Variants in ANO3 observed in about 807,000 individuals in gnomAD.
ANO3 encodes the protein anoctamin 3.
ANO3 carries 99 observed loss-of-function variants against 144.8 expected under a neutral mutation model. The ratio of observed to expected loss-of-function variants is 0.68; its 90% CI spans 0.58 to 0.81. The LOEUF (loss-of-function observed/expected upper bound fraction) is 0.81, where lower values mean the gene tolerates loss of function less well. ANO3 is among the 30% of genes least tolerant of loss of function. The probability of loss-of-function intolerance (pLI) is 0.00; values close to 1 mark genes in which losing one functional copy is unlikely to be tolerated. For missense variants in ANO3, 905 were observed against 1,202.2 expected, an observed-to-expected ratio of 0.75 and a Z score of 3.66; for synonymous variants, 414 against 392.6, an observed-to-expected ratio of 1.05 and a Z score of -0.64.
intron 1 of ANO3, among the ~76,000 whole-genome samples, chr11:26,198,016 G>C (rs1246567279): frequency 6.6e-6 from 1 of 152,036 alleles, no homozygotes; most frequent in African/African-American, 2.4e-5. Flanking sequence ...CTCAGGTTTT[G>C]GGAGCCATCA....
intron 1 of ANO3, among the ~76,000 whole-genome samples, chr11:26,261,292 A>C (rs891783828): frequency 6.6e-6 from 1 of 152,166 alleles, no homozygotes; most frequent in African/African-American, 2.4e-5. Context: ...TATTTAGAGA[A>C]CAGCCTTGCT....
chr11:26,486,231 T>A (rs897204137), intron 4 of ANO3, among the ~76,000 whole-genome samples: 1 of 151,716 alleles, frequency 6.6e-6, no homozygotes, highest in African/African-American at 2.4e-5. Context: ...TGTGATGGCG[T>A]GCACCTGTAG....
At chr11:26,474,713 G>T (rs957503376) in intron 4 of ANO3, among the ~76,000 whole-genome samples, 7 of 151,760 alleles carry the variant, frequency 4.6e-5, no homozygotes, top group African/African-American at 1.5e-4. Context: ...TCTTGTTTTG[G>T]TTTAAAAATG....
chr11:26,356,966 A>G (rs960879215), intron 1 of ANO3, among the ~76,000 whole-genome samples: 1 of 152,220 alleles, frequency 6.6e-6, no homozygotes, highest in East Asian at 1.9e-4. Flanking sequence ...GCCTACTCAT[A>G]TATCTAGGAC....
At chr11:26,373,820 A>G (rs930799406) in intron 1 of ANO3, among the ~76,000 whole-genome samples, 4 of 152,334 alleles carry the variant, frequency 2.6e-5, no homozygotes, top group African/African-American at 9.6e-5. Flanking sequence ...TCTTTTGCAG[A>G]TAAGAACATG....
At chr11:26,560,187 T>A (rs1460061498) in intron 14 of ANO3, 1 of 163,416 alleles carries the variant, frequency 6.1e-6, no homozygotes, top group African/African-American at 2.4e-5. Flanking sequence ...GGATGCAGAA[T>A]CTATTCCATT....
At chr11:26,266,813 G>T (rs1853319409) in intron 1 of ANO3, among the ~76,000 whole-genome samples, 1 of 151,666 alleles carries the variant, frequency 6.6e-6, no homozygotes, top group Admixed American at 6.6e-5. Flanking sequence ...CGGGTGTGGT[G>T]GCTCACATCT....
chr11:26,303,942 T>A (rs1854298679), intron 1 of ANO3, among the ~76,000 whole-genome samples: 1 of 152,024 alleles, frequency 6.6e-6, no homozygotes, highest in Non-Finnish European at 1.5e-5. Flanking sequence ...CTCGATCTCT[T>A]GACCTCGTGA....
chr11:26,326,736 A>C (rs187693563), intron 1 of ANO3, among the ~76,000 whole-genome samples: 3 of 152,314 alleles, frequency 2.0e-5, no homozygotes. Flanking sequence ...AACCAAAAAT[A>C]CACAGGCCTA....
At chr11:26,453,184 T>A (rs1392337063) in intron 3 of ANO3, among the ~76,000 whole-genome samples, 3 of 152,072 alleles carry the variant, frequency 2.0e-5, no homozygotes, top group African/African-American at 7.2e-5. Context: ...ATGAGCAAAA[T>A]AACCAGCTAA....
intron 14 of ANO3, among the ~76,000 whole-genome samples, chr11:26,589,156 C>T (rs1250651336): frequency 4.6e-5 from 7 of 152,220 alleles, no homozygotes; most frequent in Non-Finnish European, 1.0e-4. Context: ...GGTCCTGGCT[C>T]TGCCATTTAT....
At chr11:26,607,016 CT>C (rs1044977765) in intron 17 of ANO3, among the ~76,000 whole-genome samples, 6 of 151,986 alleles carry the variant, frequency 3.9e-5, no homozygotes, top group Non-Finnish European at 8.8e-5. Flanking sequence ...TTTATTTCTC[CT>C]TTGCTTATGA....
upstream of ANO3, among the ~76,000 whole-genome samples, chr11:26,305,844 T>C (rs1032688980): frequency 1.3e-5 from 2 of 152,192 alleles, no homozygotes; most frequent in Non-Finnish European, 2.9e-5. Context: ...AAATATATTT[T>C]GTTTCAAATA....
In ANO3 at chr11:26,647,743, A is replaced by T; in HGVS notation, c.2463A>T (p.Ile821=). ...TTGGAATTCTCGAAGGAATCGGTAT[A>T]TTGGCTGTGATCACCAATGCATTTG... ...IWLGILEGIG[I]LAVITNAFVI... The change falls in exon 24 of 27, where the codon ATA becomes ATT. Residue 821 remains isoleucine (I), a synonymous_variant. Transcript: ENST00000256737. 2 of 1,612,466 alleles carry T rather than the reference A, an allele frequency of 1.2e-6. No homozygotes were observed. Among genetic ancestry groups the T allele is most frequent in the Non-Finnish European group, 1.7e-6 (2 of 1,179,022 alleles).
intron 13 of ANO3, among the ~76,000 whole-genome samples, chr11:26,555,041 T>A (rs145736763): frequency 1.3e-4 from 20 of 152,302 alleles, no homozygotes; most frequent in African/African-American, 4.6e-4. Flanking sequence ...CTCAATGTCC[T>A]TACTACAAGA....
In ANO3 at chr11:26,567,957, G is replaced by A. The variant is rs142568836; in HGVS notation, c.1447+8178G>A. ...AACAGGCAAAAAGCTACAATGATAC[G>A]ATTGGGAAAGGGCTTTATTACTGGA... On this transcript the variant is annotated intron_variant, in intron 14 of 26. Coordinates refer to ENST00000256737, the MANE Select transcript of ANO3 (RefSeq NM_031418.4). 5.9e-5 allele frequency among the ~76,000 whole-genome samples: 9 copies of A among 152,082 alleles called. No individual in the cohort carries two copies. In the East Asian group the frequency reaches 1.5e-3, roughly 26 times the overall value.
chr11:26,331,387 A>G (rs1855035944), upstream of ANO3: 1 of 152,220 alleles, frequency 6.6e-6, no homozygotes, highest in Admixed American at 6.5e-5. Context: ...CTAAACAAAA[A>G]GAGTTACTTC....
intron 1 of ANO3, among the ~76,000 whole-genome samples, chr11:26,277,257 G>A (rs4420218): frequency 0.26 from 40,188 of 151,930 alleles, 7,253 homozygotes; most frequent in African/African-American, 0.52. Flanking sequence ...TGTGTTTAGT[G>A]AAAGGCTAAA....
chr11:26,273,675 A>AC (rs1853497510), intron 1 of ANO3, among the ~76,000 whole-genome samples: 1 of 132,872 alleles, frequency 7.5e-6, no homozygotes, highest in Admixed American at 7.4e-5. Context: ...CACACACACA[A>AC]ATTCTGTCGG....
Sources: gnomAD v4.1 joint callset for allele counts (sites outside exome capture counted in the v4.1 genomes callset) on GRCh38, gnomAD v4.1.1 for gene constraint, MANE v1.5 for transcripts, NCBI Gene and HGNC (gene_info 2026-07-23, HGNC 2026-07-21) for gene names.